Variants in DIP2C observed in about 807,000 individuals in gnomAD.
DIP2C encodes DIP2 acetate--CoA ligase C (putative), also known as disco-interacting protein 2 homolog C.
DIP2C carries 33 observed loss-of-function variants against 192.4 expected under a neutral mutation model. That is an observed-to-expected ratio of 0.17 (90% CI 0.13 to 0.23). The LOEUF is 0.23. Ranked by LOEUF, DIP2C falls within the 10% of genes least tolerant of loss-of-function variation. The pLI is 1.00. For missense variants in DIP2C, 1,537 were observed against 2,110.1 expected (o/e 0.73, Z 5.32); for synonymous variants, 979 against 864.1 (o/e 1.13, Z -2.33).
intron 32 of DIP2C, among the ~76,000 whole-genome samples, chr10:308,583 C>T (rs977562160): frequency 6.6e-6 from 1 of 152,294 alleles, no homozygotes; most frequent in South Asian, 2.1e-4. Flanking sequence ...AACTGTATGC[C>T]CAGAAACAAG....
rs756899957 is a variant in DIP2C, at chr10:316,254, T to C, written c.3925-6162A>G. ...CACAATGTTTTATGAAAAACGAAGA[T>C]TGTATTTAAAAGAACAGTAAAGATT... On this transcript the variant is annotated intron_variant, in intron 31 of 36. Transcript: ENST00000280886. Among the ~76,000 whole-genome samples, 16 of 152,324 alleles carry C rather than the reference T, an allele frequency of 1.1e-4. No homozygotes were observed. In the East Asian group the frequency reaches 1.7e-3, roughly 17 times the overall value.
At chr10:557,863 GGGCA>G (rs1189027747) in intron 1 of DIP2C, among the ~76,000 whole-genome samples, 3 of 105,346 alleles carry the variant, frequency 2.8e-5, no homozygotes, top group Non-Finnish European at 2.0e-5. Context: ...GAGGGGGCAG[GGGCA>G]GGCAGGCAGG....
At chr10:578,300 TA>T (rs1850309443) in intron 1 of DIP2C, among the ~76,000 whole-genome samples, 3 of 152,312 alleles carry the variant, frequency 2.0e-5, no homozygotes, top group African/African-American at 7.2e-5. Context: ...CACAAGGCAG[TA>T]AATACTCCAC....
At chr10:530,655 A>T (rs972834296) in intron 1 of DIP2C, among the ~76,000 whole-genome samples, 3 of 99,032 alleles carry the variant, frequency 3.0e-5, no homozygotes, top group African/African-American at 1.5e-4. Context: ...CTATCTCTTA[A>T]AAAAAAAAAA....
Position 582,750 on chromosome 10 carries a change from C to T in DIP2C, c.86-96220G>A, listed in dbSNP as rs561736653. 5.5e-4 allele frequency among the ~76,000 whole-genome samples: 84 copies of T among 152,246 alleles called. No individual in the cohort carries two copies. In the South Asian group the frequency reaches 6.4e-3, roughly 12 times the overall value. On this transcript the variant is annotated intron_variant, in intron 1 of 36. Coordinates refer to ENST00000280886, the MANE Select transcript of DIP2C (RefSeq NM_014974.3). ...AGACCCTGTGCTTGGGAAGCACCAG[C>T]GTGGCCACGTGGCCGGCCTCTTCCT...
intron 14 of DIP2C, among the ~76,000 whole-genome samples, chr10:386,975 C>T (rs1242403323): frequency 1.3e-5 from 2 of 152,216 alleles, no homozygotes; most frequent in Non-Finnish European, 2.9e-5. Context: ...GCACTCGTGA[C>T]TGTGAGACAG....
intron 3 of DIP2C, among the ~76,000 whole-genome samples, chr10:451,762 T>A (rs777738162): frequency 6.6e-6 from 1 of 152,154 alleles, no homozygotes; most frequent in Non-Finnish European, 1.5e-5. Flanking sequence ...CTTGATGGAA[T>A]GAGGCCATAG....
chr10:575,346 T>C (rs993353392), intron 1 of DIP2C, among the ~76,000 whole-genome samples: 7 of 152,096 alleles, frequency 4.6e-5, no homozygotes, highest in Admixed American at 4.6e-4. Flanking sequence ...TTAACTGAAG[T>C]TTTCAAATGA....
intron 1 of DIP2C, among the ~76,000 whole-genome samples, chr10:648,798 A>C (rs1440298239): frequency 3.1e-4 from 44 of 142,600 alleles, no homozygotes; most frequent in African/African-American, 1.0e-3. Flanking sequence ...TGACGGTGGG[A>C]GAGAACAGAG....
At chr10:580,184 C>A (rs554705976) in intron 1 of DIP2C, among the ~76,000 whole-genome samples, 1 of 151,910 alleles carries the variant, frequency 6.6e-6, no homozygotes, top group Non-Finnish European at 1.5e-5. Context: ...CCTACACATG[C>A]GTAGTGTATA....
At chr10:598,935 G>A (rs775906588) in intron 1 of DIP2C, among the ~76,000 whole-genome samples, 29 of 152,236 alleles carry the variant, frequency 1.9e-4, no homozygotes, top group Non-Finnish European at 2.8e-4. Flanking sequence ...ACTGCCTCAA[G>A]GAACATCCTT....
intron 8 of DIP2C, among the ~76,000 whole-genome samples, chr10:413,182 C>T (rs1405214449): frequency 6.6e-6 from 1 of 152,162 alleles, no homozygotes; most frequent in Non-Finnish European, 1.5e-5. Context: ...AGAAAATAGC[C>T]TGACAATCTG....
chr10:338,112 A>G (rs984722927), intron 29 of DIP2C, among the ~76,000 whole-genome samples: 5 of 152,244 alleles, frequency 3.3e-5, no homozygotes, highest in Non-Finnish European at 7.3e-5. Flanking sequence ...TAAAGGAGAT[A>G]AATTATTTTT....
At chr10:303,983 C>A (rs940097348) in intron 32 of DIP2C, among the ~76,000 whole-genome samples, 1 of 152,132 alleles carries the variant, frequency 6.6e-6, no homozygotes, top group Non-Finnish European at 1.5e-5. Flanking sequence ...TGCACAGAGC[C>A]GTCATCTTCT....
chr10:638,427 C>G (rs1854953972), intron 1 of DIP2C, among the ~76,000 whole-genome samples: 1 of 152,118 alleles, frequency 6.6e-6, no homozygotes, highest in South Asian at 2.1e-4. Context: ...CTTCAGTTGA[C>G]TCAAAAAATG....
intron 1 of DIP2C, among the ~76,000 whole-genome samples, chr10:554,569 T>C (rs1387164859): frequency 6.6e-6 from 1 of 152,230 alleles, no homozygotes; most frequent in Non-Finnish European, 1.5e-5. Flanking sequence ...GGACCATGTG[T>C]TCCCGTGTTC....
intron 1 of DIP2C, among the ~76,000 whole-genome samples, chr10:564,057 G>A (rs1419054003): frequency 6.6e-6 from 1 of 152,176 alleles, no homozygotes; most frequent in Admixed American, 6.5e-5. Flanking sequence ...AACCTGAAGT[G>A]GAATCTGCTA....
chr10:536,901 G>A (rs746514349), intron 1 of DIP2C, among the ~76,000 whole-genome samples: 2 of 152,162 alleles, frequency 1.3e-5, no homozygotes, highest in Non-Finnish European at 2.9e-5. Context: ...GTTAACACAC[G>A]CCAGTTCTTT....
chr10:585,567 G>A (rs866130259), intron 1 of DIP2C, among the ~76,000 whole-genome samples: 3 of 152,164 alleles, frequency 2.0e-5, no homozygotes, highest in Non-Finnish European at 2.9e-5. Flanking sequence ...GAAGCGGGGC[G>A]AGTGAAATGA....
Sources: gnomAD v4.1 joint callset for allele counts (sites outside exome capture counted in the v4.1 genomes callset) on GRCh38, gnomAD v4.1.1 for gene constraint, MANE v1.5 for transcripts, NCBI Gene and HGNC (gene_info 2026-07-23, HGNC 2026-07-21) for gene names.